CSMD1: variants seen among roughly 807,000 people sequenced by gnomAD.
The protein encoded by CSMD1 is CUB and Sushi multiple domains 1, also known as CUB and sushi domain-containing protein 1.
Under a neutral mutation model 417.5 loss-of-function variants are expected in CSMD1, and 213 were observed. The ratio of observed to expected loss-of-function variants is 0.51; its 90% CI spans 0.46 to 0.57. CSMD1 has a LOEUF of 0.57. Ranked by LOEUF, CSMD1 falls within the 20% of genes least tolerant of loss-of-function variation. CSMD1 has a pLI of 0.00. For synonymous variants in CSMD1, 2,862 were observed against 1,736.8 expected, an observed-to-expected ratio of 1.65 and a Z score of -16.11; for missense variants, 6,923 against 4,529.7, an observed-to-expected ratio of 1.53 and a Z score of -15.17.
chr8:3,959,418 G>C (rs1812174460), intron 5 of CSMD1, among the ~76,000 whole-genome samples: 2 of 152,196 alleles, frequency 1.3e-5, no homozygotes, highest in Non-Finnish European at 2.9e-5. Flanking sequence ...AAGATCACTT[G>C]AACCTGGGAG....
rs114027481 is a variant in CSMD1 at position 4,764,480 on chromosome 8, A to C, written c.86-126922T>G. 6.3e-3 allele frequency among the ~76,000 whole-genome samples: 964 copies of C among 152,280 alleles called. 14 individuals carry two copies. The highest frequency in any genetic ancestry group is 0.022 in the African/African-American group (921 of 41,548). On this transcript the variant is annotated intron_variant, in intron 1 of 69. Transcript: ENST00000635120. ...TATCGTCTGTATTCTTAAAAGTATT[A>C]AGTCGAGAAGACAATTAGTATTCCA... is the stretch of plus-strand genomic sequence containing the variant.
At chr8:4,418,356 T>G (rs947486794) in intron 3 of CSMD1, among the ~76,000 whole-genome samples, 2 of 152,156 alleles carry the variant, frequency 1.3e-5, no homozygotes, top group Admixed American at 1.3e-4. Context: ...TGCCCTATTT[T>G]CTTCATTATA....
intron 5 of CSMD1, among the ~76,000 whole-genome samples, chr8:3,862,415 G>A (rs899262243): frequency 4.0e-5 from 6 of 151,774 alleles, no homozygotes; most frequent in Non-Finnish European, 5.9e-5. Flanking sequence ...TCTCTCACTT[G>A]TCTTTCATTA....
chr8:4,905,224 C>G (rs1805163956), intron 1 of CSMD1, among the ~76,000 whole-genome samples: 1 of 152,092 alleles, frequency 6.6e-6, no homozygotes. Context: ...TTCATACAGG[C>G]ATTATCTCTC....
In CSMD1 at chr8:3,272,009, C is replaced by T. The variant is rs575419804; in HGVS notation, c.4153+12135G>A. 9.5e-4 allele frequency among the ~76,000 whole-genome samples: 144 copies of T among 151,948 alleles called. 1 individual carries two copies. The highest frequency in any genetic ancestry group is 3.2e-3 in the African/African-American group (134 of 41,380). On this transcript the variant is annotated intron_variant, in intron 26 of 69. Coordinates refer to ENST00000635120, the MANE Select transcript of CSMD1 (RefSeq NM_033225.6). Reference sequence around the variant, plus strand: ...TTGAGACATGCAGTCCTTGCCCATGCCTATGTCCTGAATGGTAATGCCTAG... The same window carrying T: ...TTGAGACATGCAGTCCTTGCCCATGTCTATGTCCTGAATGGTAATGCCTAG...
At chr8:3,675,822 G>C (rs1799344855) in intron 7 of CSMD1, among the ~76,000 whole-genome samples, 1 of 152,188 alleles carries the variant, frequency 6.6e-6, no homozygotes, top group Non-Finnish European at 1.5e-5. Flanking sequence ...AGCCAGAGTT[G>C]ACTAAGCTGG....
intron 11 of CSMD1, among the ~76,000 whole-genome samples, chr8:3,476,275 G>A (rs143639604): frequency 6.6e-6 from 1 of 152,182 alleles, no homozygotes; most frequent in Non-Finnish European, 1.5e-5. Flanking sequence ...TTCCCATGTT[G>A]TTGTGTGTAT....
intron 9 of CSMD1, among the ~76,000 whole-genome samples, chr8:3,580,254 G>A (rs561397835): frequency 6.6e-6 from 1 of 152,290 alleles, no homozygotes; most frequent in Non-Finnish European, 1.5e-5. Context: ...AATGTCAGAA[G>A]GAGAAAACTG....
chr8:3,878,886 C>G (rs1326333494), intron 5 of CSMD1, among the ~76,000 whole-genome samples: 1 of 152,136 alleles, frequency 6.6e-6, no homozygotes, highest in East Asian at 1.9e-4. Context: ...TAATTATTCA[C>G]CAATATCACA....
intron 7 of CSMD1, among the ~76,000 whole-genome samples, chr8:3,635,221 A>G (rs1357141293): frequency 1.3e-5 from 2 of 152,074 alleles, no homozygotes; most frequent in Admixed American, 1.3e-4. Context: ...CACGCCTGTA[A>G]TCCCAGCACT....
chr8:3,647,529 G>C (rs1259161631), intron 7 of CSMD1, among the ~76,000 whole-genome samples: 7 of 152,130 alleles, frequency 4.6e-5, no homozygotes. Context: ...AGCATAAAGA[G>C]AAATATAGTA....
intron 4 of CSMD1, among the ~76,000 whole-genome samples, chr8:4,026,924 C>CAACA (rs61192854): frequency 7.9e-5 from 12 of 151,968 alleles, no homozygotes; most frequent in Middle Eastern, 3.4e-3. Context: ...ACCAACCAAA[C>CAACA]AACAAACAAA....
chr8:3,712,103 A>G (rs140647624), intron 6 of CSMD1, among the ~76,000 whole-genome samples: 1 of 152,262 alleles, frequency 6.6e-6, no homozygotes, highest in East Asian at 1.9e-4. Flanking sequence ...TTTCAACAAG[A>G]CAGTGTTATA....
intron 2 of CSMD1, among the ~76,000 whole-genome samples, chr8:4,543,872 C>T (rs1033442133): frequency 1.3e-5 from 2 of 151,958 alleles, no homozygotes; most frequent in African/African-American, 4.8e-5. Context: ...TTTGCAATTC[C>T]TTAGGGACAT....
At chr8:4,367,848 G>A (rs181537042) in intron 3 of CSMD1, among the ~76,000 whole-genome samples, 68 of 152,038 alleles carry the variant, frequency 4.5e-4, no homozygotes, top group Admixed American at 1.9e-3. Flanking sequence ...TTCTTAATTC[G>A]GCTTTGAGCT....
rs185640780 is a variant in CSMD1, at chr8:4,221,966, G to A, written c.416-189867C>T. 1.9e-3 allele frequency among the ~76,000 whole-genome samples: 292 copies of A among 152,104 alleles called. 2 individuals carry two copies. The highest frequency in any genetic ancestry group is 6.8e-3 in the African/African-American group (280 of 41,464). ...ACAACACTGTCCAGCACATCCATCT[G>A]CAATGGAGGAAGCTGTCCACCCAAC... is the stretch of plus-strand genomic sequence containing the variant. On this transcript the variant is annotated intron_variant, in intron 3 of 69. Transcript: ENST00000635120.
At chr8:4,199,367 A>C (rs1472819219) in intron 3 of CSMD1, among the ~76,000 whole-genome samples, 1 of 152,196 alleles carries the variant, frequency 6.6e-6, no homozygotes, top group African/African-American at 2.4e-5. Flanking sequence ...AGATGCTTTA[A>C]TAAAGATGCA....
At chr8:4,189,384 C>G (rs34128707) in intron 3 of CSMD1, among the ~76,000 whole-genome samples, 127,487 of 151,790 alleles carry the variant, frequency 0.84, 53,685 homozygotes, top group South Asian at 0.89. Context: ...CATGAATATT[C>G]TAACTCTACC....
intron 7 of CSMD1, among the ~76,000 whole-genome samples, chr8:3,685,709 G>T (rs1410465322): frequency 8.2e-5 from 12 of 146,662 alleles, no homozygotes; most frequent in African/African-American, 2.8e-4. Flanking sequence ...CAAGCCTTAA[G>T]ATCAGAAGGG....
Sources: allele counts gnomAD v4.1 joint callset (sites outside exome capture counted in the v4.1 genomes callset), GRCh38; gene constraint gnomAD v4.1.1; transcripts MANE v1.5; gene names NCBI Gene and HGNC (gene_info 2026-07-23, HGNC 2026-07-21).